CEP128: variants seen among roughly 807,000 people sequenced by gnomAD.
The protein encoded by CEP128 is centrosomal protein 128, also known as centrosomal protein 128kDa.
Under a neutral mutation model 156.7 loss-of-function variants are expected in CEP128, and 132 were observed. That is an observed-to-expected ratio of 0.84 (90% confidence interval 0.73 to 0.97). CEP128 has a LOEUF of 0.97. CEP128 is among the 50% of genes least tolerant of loss of function. CEP128 has a pLI of 0.00. For synonymous variants in CEP128, 469 were observed against 448.9 expected, an observed-to-expected ratio of 1.04 and a Z score of -0.57; for missense variants, 1,252 against 1,281.9, an observed-to-expected ratio of 0.98 and a Z score of 0.36.
At chr14:80,704,451 T>G (rs972077495) in intron 19 of CEP128, among the ~76,000 whole-genome samples, 2 of 149,688 alleles carry the variant, frequency 1.3e-5, no homozygotes, top group Admixed American at 6.8e-5. Context: ...CACATTTTCA[T>G]ATTTTCTATA....
At chr14:80,955,340 G>A (rs1886598972) in intron 2 of CEP128, 1 of 466,060 alleles carries the variant, frequency 2.1e-6, no homozygotes, top group African/African-American at 1.9e-5. Context: ...TAATGGGAGG[G>A]GCGCCCGGGG....
intron 19 of CEP128, among the ~76,000 whole-genome samples, chr14:80,582,895 G>A (rs1595042919): frequency 6.6e-6 from 1 of 152,238 alleles, no homozygotes; most frequent in Non-Finnish European, 1.5e-5. Flanking sequence ...GTTTAATGGT[G>A]CAGTGTAACT....
chr14:80,844,053 T>C (rs1301306420), intron 9 of CEP128, among the ~76,000 whole-genome samples: 1 of 152,042 alleles, frequency 6.6e-6, no homozygotes, highest in Non-Finnish European at 1.5e-5. Context: ...TTATGCTTTT[T>C]CTCAAATCAA....
intron 2 of CEP128, among the ~76,000 whole-genome samples, chr14:80,924,057 C>A (rs1397054804): frequency 1.3e-5 from 2 of 152,158 alleles, no homozygotes; most frequent in African/African-American, 4.8e-5. Context: ...CCCAGTCATG[C>A]GGAACTGTGA....
chr14:80,602,484 A>G (rs1045519779), intron 19 of CEP128, among the ~76,000 whole-genome samples: 3 of 152,152 alleles, frequency 2.0e-5, no homozygotes, highest in African/African-American at 7.2e-5. Flanking sequence ...AAATAAATTA[A>G]AAGGAGGCTG....
intron 21 of CEP128, among the ~76,000 whole-genome samples, chr14:80,532,377 G>C (rs1267118920): frequency 6.6e-6 from 1 of 152,006 alleles, no homozygotes; most frequent in Non-Finnish European, 1.5e-5. Context: ...TTTCTCGGGA[G>C]GAGTTCATTA....
At chr14:80,764,334 T>TAA (rs1456004579) in intron 16 of CEP128, among the ~76,000 whole-genome samples, 1 of 151,646 alleles carries the variant, frequency 6.6e-6, no homozygotes, top group Non-Finnish European at 1.5e-5. Flanking sequence ...CCGTCTCTAC[T>TAA]AAAAATACAA....
At chr14:80,648,813 C>T (rs1024238733) in intron 19 of CEP128, among the ~76,000 whole-genome samples, 4 of 151,992 alleles carry the variant, frequency 2.6e-5, no homozygotes, top group African/African-American at 9.7e-5. Flanking sequence ...GGACACTATA[C>T]TGCTTGCCTC....
chr14:80,551,985 T>C (rs1271543160), intron 21 of CEP128, among the ~76,000 whole-genome samples: 4 of 152,214 alleles, frequency 2.6e-5, no homozygotes, highest in African/African-American at 9.6e-5. Context: ...ATTTGCCTCA[T>C]GGAACTCGGG....
intron 21 of CEP128, among the ~76,000 whole-genome samples, chr14:80,542,890 G>A (rs1889827879): frequency 6.6e-6 from 1 of 152,082 alleles, no homozygotes; most frequent in African/African-American, 2.4e-5. Context: ...AAAGCGCCTT[G>A]GTGAGGTAAA....
At position 80,530,878 on chromosome 14, in the gene CEP128, T is replaced by C. The variant is rs1716459132; in HGVS notation, c.2889A>G (p.Gln963=). ...CAGACTCCAGATGGTCCAAGGCCAC[T>C]TGGGTACTCTGAAATAGAAAACATA... is the stretch of plus-strand genomic sequence containing the variant. ...DRVIALETST[Q]VALDHLESVP... The change falls in exon 22 of 25, where the codon CAA becomes CAG. Residue 963 remains glutamine, a synonymous_variant. Coordinates refer to ENST00000555265, the MANE Select transcript of CEP128 (RefSeq NM_152446.5). 2 of 1,602,252 alleles carry C rather than the reference T, an allele frequency of 1.2e-6. No homozygotes were observed. Among genetic ancestry groups the C allele is most frequent in the Non-Finnish European group, 1.7e-6 (2 of 1,173,532 alleles).
intron 19 of CEP128, among the ~76,000 whole-genome samples, chr14:80,667,300 G>A (rs8006146): frequency 0.95 from 144,495 of 152,252 alleles, 68,641 homozygotes; most frequent in East Asian, 1. Context: ...AAAAATGCGA[G>A]CAACAGTGTG....
At chr14:80,929,174 A>C (rs1594858098) in intron 2 of CEP128, among the ~76,000 whole-genome samples, 2 of 152,236 alleles carry the variant, frequency 1.3e-5, no homozygotes, top group African/African-American at 4.8e-5. Flanking sequence ...ATAAGATACC[A>C]TCTTATCCCA....
chr14:80,607,175 G>A (rs896372542), intron 19 of CEP128, among the ~76,000 whole-genome samples: 35 of 151,898 alleles, frequency 2.3e-4, no homozygotes, highest in South Asian at 4.2e-4. Flanking sequence ...ACATATTTAC[G>A]TAAATCTATA....
chr14:80,640,610 C>A (rs1894367248), intron 19 of CEP128, among the ~76,000 whole-genome samples: 1 of 152,084 alleles, frequency 6.6e-6, no homozygotes, highest in African/African-American at 2.4e-5. Context: ...TCTGGTTCTA[C>A]TTCTTTTACC....
chr14:80,493,536 C>A (rs143186461), downstream of CEP128, among the ~76,000 whole-genome samples: 3 of 152,178 alleles, frequency 2.0e-5, no homozygotes, highest in Non-Finnish European at 2.9e-5. Flanking sequence ...TTTGCACCCA[C>A]GTTAGAATAC....
At chr14:80,941,071 G>C (rs1886127176) in intron 1 of CEP128, among the ~76,000 whole-genome samples, 1 of 152,174 alleles carries the variant, frequency 6.6e-6, no homozygotes, top group African/African-American at 2.4e-5. Flanking sequence ...TCAATTAAGG[G>C]ACTGCTAACA....
At chr14:80,542,313 A>G (rs1889800930) in intron 21 of CEP128, among the ~76,000 whole-genome samples, 1 of 152,244 alleles carries the variant, frequency 6.6e-6, no homozygotes, top group East Asian at 1.9e-4. Flanking sequence ...TTTATTAAAT[A>G]AAACCTTATC....
intron 20 of CEP128, among the ~76,000 whole-genome samples, chr14:80,572,961 T>C (rs1387091306): frequency 1.3e-5 from 2 of 152,206 alleles, no homozygotes; most frequent in African/African-American, 4.8e-5. Context: ...CTTGCTCTGT[T>C]GGCCAGGCTA....
Sources: gnomAD v4.1 joint callset for allele counts (sites outside exome capture counted in the v4.1 genomes callset) on GRCh38, gnomAD v4.1.1 for gene constraint, MANE v1.5 for transcripts, NCBI Gene and HGNC (gene_info 2026-07-23, HGNC 2026-07-21) for gene names.